The following DLG1 variants were observed in gnomAD, a reference collection of about 807,000 sequenced individuals.
DLG1 encodes disks large homolog 1.
DLG1 carries 42 observed loss-of-function variants against 123.4 expected under a neutral mutation model. The observed-to-expected ratio is 0.34, with a 90% CI of 0.27 to 0.44. The LOEUF is 0.44. DLG1 is among the 20% of genes least tolerant of loss of function. The pLI, the probability that DLG1 is intolerant of heterozygous loss-of-function variation, is 1.00. For missense variants in DLG1, 942 were observed against 1,082.6 expected (o/e 0.87, Z 1.82); for synonymous variants, 317 against 356.2 (o/e 0.89, Z 1.24).
intron 15 of DLG1, among the ~76,000 whole-genome samples, chr3:197,090,007 T>C (rs1756848474): frequency 1.3e-5 from 2 of 151,780 alleles, no homozygotes; most frequent in Admixed American, 1.3e-4. Flanking sequence ...CAGTAAGTCA[T>C]ATCATATGTA....
intron 11 of DLG1, among the ~76,000 whole-genome samples, chr3:197,130,168 G>C (rs1052385184): frequency 1.2e-4 from 19 of 152,110 alleles, no homozygotes; most frequent in Non-Finnish European, 5.9e-5. Context: ...TACTTTGCTT[G>C]TTAATAGAAT....
At chr3:197,123,972 G>C (rs1405619299) in intron 11 of DLG1, among the ~76,000 whole-genome samples, 3 of 152,200 alleles carry the variant, frequency 2.0e-5, no homozygotes, top group Admixed American at 1.3e-4. Flanking sequence ...ATTAAATAAA[G>C]AGGTCAGGTG....
intron 11 of DLG1, among the ~76,000 whole-genome samples, chr3:197,121,861 C>T (rs923457820): frequency 1.3e-4 from 19 of 148,486 alleles, no homozygotes; most frequent in Non-Finnish European, 2.5e-4. Context: ...GTTATCTAGT[C>T]CTCTTAGGTA....
intron 4 of DLG1, among the ~76,000 whole-genome samples, chr3:197,230,984 T>C (rs1742663393): frequency 6.7e-6 from 1 of 149,970 alleles, no homozygotes; most frequent in Non-Finnish European, 1.5e-5. Context: ...AGTTATAGCA[T>C]ATAACTAGTT....
At chr3:197,052,879 TA>T (rs1728912731) in intron 23 of DLG1, among the ~76,000 whole-genome samples, 1 of 152,218 alleles carries the variant, frequency 6.6e-6, no homozygotes, top group Non-Finnish European at 1.5e-5. Flanking sequence ...TAGATCTTAC[TA>T]AAAATTTTAT....
chr3:197,241,540 T>C (rs1219692681), intron 4 of DLG1, among the ~76,000 whole-genome samples: 1 of 152,172 alleles, frequency 6.6e-6, no homozygotes, highest in African/African-American at 2.4e-5. Flanking sequence ...ATTGTAATTG[T>C]GGTATGCAAT....
At chr3:197,296,841 C>T (rs563936208) in intron 2 of DLG1, 2 of 305,492 alleles carry the variant, frequency 6.5e-6, no homozygotes, top group Non-Finnish European at 1.2e-5. Flanking sequence ...AAATTTTTAA[C>T]ATTTCAAAAT....
At chr3:197,147,356 G>A (rs954542632) in intron 6 of DLG1, among the ~76,000 whole-genome samples, 9 of 151,648 alleles carry the variant, frequency 5.9e-5, no homozygotes, top group Non-Finnish European at 1.0e-4. Context: ...TTATAGCAGC[G>A]CAATTCACAA....
intron 4 of DLG1, among the ~76,000 whole-genome samples, chr3:197,229,361 G>A (rs1250978568): frequency 1.3e-5 from 2 of 151,258 alleles, no homozygotes; most frequent in East Asian, 1.9e-4. Context: ...GGGAGGCTGA[G>A]GTGGAAAGAT....
chr3:197,111,603 AT>A (rs1358745200), intron 13 of DLG1, among the ~76,000 whole-genome samples: 1 of 152,178 alleles, frequency 6.6e-6, no homozygotes, highest in African/African-American at 2.4e-5. Context: ...AGCTGAAAGG[AT>A]TTTGCTAACC....
intron 23 of DLG1, 145 bp from the exon 24 acceptor site, chr3:197,051,813 C>A: frequency 1.0e-5 from 5 of 483,564 alleles, no homozygotes; most frequent in Non-Finnish European, 1.8e-5. Flanking sequence ...AAACTTGAGT[C>A]ATTCTGGTCA....
At chr3:197,181,167 A>G (rs567020302) in intron 5 of DLG1, among the ~76,000 whole-genome samples, 5 of 152,166 alleles carry the variant, frequency 3.3e-5, no homozygotes, top group Admixed American at 6.6e-5. Context: ...ATTTGGGGGG[A>G]TATTAAATCA....
intron 8 of DLG1, among the ~76,000 whole-genome samples, chr3:197,139,346 T>G (rs977951348): frequency 2.0e-5 from 3 of 152,194 alleles, no homozygotes; most frequent in Non-Finnish European, 4.4e-5. Flanking sequence ...TTATATCTAT[T>G]TGATTTCATT....
At chr3:197,290,668 C>T (rs867129696) in intron 3 of DLG1, among the ~76,000 whole-genome samples, 2 of 152,008 alleles carry the variant, frequency 1.3e-5, no homozygotes, top group African/African-American at 2.4e-5. Context: ...CTCAGCTGGG[C>T]GCAGTGGCTC....
At chr3:197,047,112 A>T (rs1211341865) in intron 24 of DLG1, among the ~76,000 whole-genome samples, 2 of 152,188 alleles carry the variant, frequency 1.3e-5, no homozygotes, top group Non-Finnish European at 1.5e-5. Context: ...TGCTCTAAAG[A>T]GATTAGAAGA....
In DLG1 at chr3:197,042,619, G is replaced by A. The variant is rs1720921668; in HGVS notation, c.*2004C>T. ...AAATGGCATCCTTTTATAACCACTT[G>A]ATATTTTACAACATGTGACTATTTG... On this transcript the variant is annotated 3_prime_UTR_variant, in exon 25 of 25. Transcript: ENST00000667157. The A allele has an allele frequency of 6.6e-6, 1 of 152,118 alleles. No homozygotes were observed. Among genetic ancestry groups the A allele is most frequent in the African/African-American group, 2.4e-5 (1 of 41,396 alleles). The allele number at this position is 152,118 out of a possible 1,614,324, so 9.4% of individuals were successfully genotyped here. A position where few individuals can be genotyped will look rare whatever the true frequency, so the allele number is the denominator to read the frequency against.
At chr3:197,156,305 T>C (rs555991798) in intron 5 of DLG1, among the ~76,000 whole-genome samples, 6 of 151,298 alleles carry the variant, frequency 4.0e-5, no homozygotes, top group African/African-American at 1.5e-4. Flanking sequence ...AACTAAAGAA[T>C]AGACACAAAG....
At chr3:197,287,381 T>C (rs973935533) in intron 3 of DLG1, among the ~76,000 whole-genome samples, 2 of 152,220 alleles carry the variant, frequency 1.3e-5, no homozygotes, top group Non-Finnish European at 2.9e-5. Flanking sequence ...AGAATTTGAA[T>C]ACAGGTTTTT....
intron 3 of DLG1, among the ~76,000 whole-genome samples, chr3:197,295,339 T>C (rs1013961637): frequency 6.6e-6 from 1 of 152,206 alleles, no homozygotes; most frequent in African/African-American, 2.4e-5. Context: ...GACTTGAAAG[T>C]AGTCTTCAAA....
Sources: allele counts gnomAD v4.1 joint callset (sites outside exome capture counted in the v4.1 genomes callset), GRCh38; gene constraint gnomAD v4.1.1; transcripts MANE v1.5; gene names NCBI Gene and HGNC (gene_info 2026-07-23, HGNC 2026-07-21).